Variants in FGF7 observed in about 807,000 individuals in gnomAD.
FGF7 encodes the protein fibroblast growth factor 7.
Under a neutral mutation model 20.5 loss-of-function variants are expected in FGF7, and 6 were observed. That is an observed-to-expected ratio of 0.29 (90% CI 0.16 to 0.58). FGF7 has a LOEUF of 0.58. Ranked by LOEUF, FGF7 falls within the 20% of genes least tolerant of loss-of-function variation. FGF7 has a pLI of 0.90. For missense variants in FGF7, 144 were observed against 228.8 expected, an observed-to-expected ratio of 0.63 and a Z score of 2.39; for synonymous variants, 64 against 74.7, an observed-to-expected ratio of 0.86 and a Z score of 0.74.
intron 2 of FGF7, among the ~76,000 whole-genome samples, chr15:49,464,843 A>G (rs74012383): frequency 0.022 from 3,352 of 152,284 alleles, 146 homozygotes; most frequent in African/African-American, 0.077. Context: ...AATAAAAACT[A>G]TACAGTACAA....
At chr15:49,479,290 C>T (rs2055663365) in intron 2 of FGF7, among the ~76,000 whole-genome samples, 1 of 152,064 alleles carries the variant, frequency 6.6e-6, no homozygotes, top group South Asian at 2.1e-4. Flanking sequence ...ATTATGCTAT[C>T]ATGGACATTA....
intron 2 of FGF7, among the ~76,000 whole-genome samples, chr15:49,426,402 G>T (rs2050135704): frequency 6.6e-6 from 1 of 151,950 alleles, no homozygotes; most frequent in South Asian, 2.1e-4. Flanking sequence ...CTTAACTGTG[G>T]AATTCTACAT....
At chr15:49,430,413 A>C (rs997069769) in intron 2 of FGF7, among the ~76,000 whole-genome samples, 4 of 151,946 alleles carry the variant, frequency 2.6e-5, no homozygotes, top group Middle Eastern at 3.4e-3. Flanking sequence ...TCATGGCCAC[A>C]CAACCAAGTT....
intron 2 of FGF7, among the ~76,000 whole-genome samples, chr15:49,455,864 T>C (rs1031470320): frequency 5.9e-5 from 9 of 152,046 alleles, no homozygotes; most frequent in African/African-American, 2.2e-4. Context: ...CTTTTTTTTC[T>C]TTTTGTACCC....
intron 2 of FGF7, among the ~76,000 whole-genome samples, chr15:49,476,211 TGTTTTGTTTTTTTGTTTTTG>T (rs1165218901): frequency 7.3e-6 from 1 of 137,374 alleles, no homozygotes; most frequent in Non-Finnish European, 1.6e-5. Flanking sequence ...TTTATTTTGC[TGTTTTGTTTTTTTGTTTTTG>T]GTTTTTTTTT....
chr15:49,436,097 T>C (rs1383648156), intron 2 of FGF7, among the ~76,000 whole-genome samples: 7 of 151,574 alleles, frequency 4.6e-5, no homozygotes, highest in Admixed American at 4.6e-4. Flanking sequence ...GCCAGCTTAA[T>C]AAGTTTGCTG....
At chr15:49,448,785 A>G (rs1239804452) in intron 2 of FGF7, among the ~76,000 whole-genome samples, 3 of 151,756 alleles carry the variant, frequency 2.0e-5, no homozygotes, top group Non-Finnish European at 4.4e-5. Context: ...CCAGTAGTCT[A>G]AGCAACCCAA....
Position 49,424,428 on chromosome 15 carries a change from T to C in FGF7, c.131T>C (p.Val44Ala). Reference protein sequence around the residue: ...DMTPEQMATNVNCSSPERHTR... With the variant: ...DMTPEQMATNANCSSPERHTR... Reference sequence around the variant, plus strand: ...ACTCCAGAGCAAATGGCTACAAATGTGAACTGTTCCAGCCCTGAGCGACAC... The same window carrying C: ...ACTCCAGAGCAAATGGCTACAAATGCGAACTGTTCCAGCCCTGAGCGACAC... Residue 44 changes from valine to alanine, a missense_variant, in exon 2 of 4, where the codon GTG (valine) becomes GCG (alanine). This residue lies in a region of FGF7 where 88 missense variants were observed against 103.4 expected (regional missense o/e 0.85). Coordinates refer to ENST00000267843, the MANE Select transcript of FGF7 (RefSeq NM_002009.4). 6.2e-7 allele frequency: 1 copy of C among 1,613,712 alleles called. No homozygotes were observed. Among genetic ancestry groups the C allele is most frequent in the African/African-American group, 1.3e-5 (1 of 74,990 alleles).
chr15:49,454,099 C>T (rs970868860), intron 2 of FGF7, among the ~76,000 whole-genome samples: 3 of 152,118 alleles, frequency 2.0e-5, no homozygotes, highest in African/African-American at 7.2e-5. Context: ...TGAAACTCTG[C>T]TTTACCTCTA....
intron 2 of FGF7, among the ~76,000 whole-genome samples, chr15:49,479,597 CTGTTTTTTTTT>C (rs1353316907): frequency 2.6e-4 from 27 of 102,086 alleles, no homozygotes; most frequent in African/African-American, 1.0e-3. Context: ...GTTAATACCT[CTGTTTTTTTTT>C]TTTTTTTTTT....
At chr15:49,446,783 C>A (rs2052258800) in intron 2 of FGF7, among the ~76,000 whole-genome samples, 1 of 151,170 alleles carries the variant, frequency 6.6e-6, no homozygotes, top group Admixed American at 6.6e-5. Context: ...GAGAAGATAG[C>A]ACAAAACAAG....
At chr15:49,465,550 G>T (rs1472971245) in intron 2 of FGF7, among the ~76,000 whole-genome samples, 1 of 151,634 alleles carries the variant, frequency 6.6e-6, no homozygotes, top group Non-Finnish European at 1.5e-5. Flanking sequence ...GTTGCATGTT[G>T]AAAATATAAA....
At chr15:49,435,261 T>A (rs2050999686) in intron 2 of FGF7, among the ~76,000 whole-genome samples, 1 of 151,518 alleles carries the variant, frequency 6.6e-6, no homozygotes, top group South Asian at 2.1e-4. Flanking sequence ...CTTTATGGAG[T>A]TTTTTCCCTA....
At chr15:49,470,167 T>A (rs911619904) in intron 2 of FGF7, among the ~76,000 whole-genome samples, 2 of 152,124 alleles carry the variant, frequency 1.3e-5, no homozygotes, top group African/African-American at 4.8e-5. Flanking sequence ...AATGTTACTG[T>A]AGATTGTAAA....
At chr15:49,456,421 T>G (rs1051694298) in intron 2 of FGF7, among the ~76,000 whole-genome samples, 13 of 152,170 alleles carry the variant, frequency 8.5e-5, no homozygotes, top group African/African-American at 2.9e-4. Context: ...TTAAGGAAGG[T>G]TAATGTAAAA....
intron 2 of FGF7, among the ~76,000 whole-genome samples, chr15:49,458,320 T>A (rs2053501920): frequency 6.6e-6 from 1 of 152,076 alleles, no homozygotes; most frequent in Non-Finnish European, 1.5e-5. Flanking sequence ...TAAATAGTCA[T>A]AATCCACAAA....
intron 2 of FGF7, among the ~76,000 whole-genome samples, chr15:49,479,606 T>TGTTTTTTTTTTG (rs1175144614): frequency 1.3e-5 from 1 of 77,126 alleles, no homozygotes; most frequent in African/African-American, 5.6e-5. Flanking sequence ...TCTGTTTTTT[T>TGTTTTTTTTTTG]TTTTTTTTTT....
chr15:49,429,531 TC>T (rs2151776008), intron 2 of FGF7, among the ~76,000 whole-genome samples: 1 of 152,004 alleles, frequency 6.6e-6, no homozygotes, highest in South Asian at 2.1e-4. Context: ...AACCTACAGT[TC>T]TAGAGCATTC....
At chr15:49,448,841 C>G (rs886212937) in intron 2 of FGF7, among the ~76,000 whole-genome samples, 1 of 151,846 alleles carries the variant, frequency 6.6e-6, no homozygotes, top group Non-Finnish European at 1.5e-5. Flanking sequence ...CAAGAATGAA[C>G]CCTCTACAAT....
Sources: gnomAD v4.1 joint callset for allele counts (sites outside exome capture counted in the v4.1 genomes callset) on GRCh38, gnomAD v4.1.1 for gene constraint, gnomAD v4.1.1 regional missense constraint, MANE v1.5 for transcripts, NCBI Gene and HGNC (gene_info 2026-07-23, HGNC 2026-07-21) for gene names.